ADAMTSL3: variants seen among roughly 807,000 people sequenced by gnomAD.
The protein encoded by ADAMTSL3 is ADAMTS like 3.
In ADAMTSL3, 128 loss-of-function variants were observed where a neutral mutation model predicts 201.7. The ratio of observed to expected loss-of-function variants is 0.63; its 90% CI spans 0.55 to 0.73. The LOEUF (loss-of-function observed/expected upper bound fraction) is 0.73. Among genes scored for constraint, ADAMTSL3 ranks in the 30% least tolerant of loss-of-function variants. ADAMTSL3 has a pLI of 0.00. For missense variants in ADAMTSL3, 1,990 were observed against 2,119.6 expected, an observed-to-expected ratio of 0.94 and a Z score of 1.20; for synonymous variants, 738 against 748.4, an observed-to-expected ratio of 0.99 and a Z score of 0.23.
At chr15:83,904,113 CCTTT>C (rs1468477538) in intron 15 of ADAMTSL3, among the ~76,000 whole-genome samples, 1 of 151,698 alleles carries the variant, frequency 6.6e-6, no homozygotes, top group Non-Finnish European at 1.5e-5. Context: ...AGGACACCAC[CCTTT>C]CTTCCCCCGT....
intron 22 of ADAMTSL3, 27 bp from the exon 23 acceptor site, chr15:83,991,059 A>G (rs763126883): frequency 1.2e-6 from 2 of 1,613,910 alleles, no homozygotes; most frequent in East Asian, 2.2e-5. Flanking sequence ...TGAACCTAAC[A>G]TAGTTTCCTG....
chr15:83,686,203 C>T (rs1047605627), intron 2 of ADAMTSL3, among the ~76,000 whole-genome samples: 2 of 152,166 alleles, frequency 1.3e-5, no homozygotes, highest in Non-Finnish European at 2.9e-5. Flanking sequence ...GGGTATAGAC[C>T]GGTTTTCTCA....
At chr15:83,746,030 G>A (rs2062541066) in intron 3 of ADAMTSL3, among the ~76,000 whole-genome samples, 1 of 152,134 alleles carries the variant, frequency 6.6e-6, no homozygotes, top group Admixed American at 6.5e-5. Context: ...CTGGGACAGT[G>A]GCTCAGTGAT....
intron 7 of ADAMTSL3, among the ~76,000 whole-genome samples, chr15:83,841,777 A>C (rs1017656904): frequency 6.6e-6 from 1 of 151,684 alleles, no homozygotes; most frequent in Non-Finnish European, 1.5e-5. Flanking sequence ...CTCACACCCA[A>C]ATGTTGCATT....
chr15:83,715,003 G>T (rs1891298534), intron 3 of ADAMTSL3, among the ~76,000 whole-genome samples: 1 of 148,958 alleles, frequency 6.7e-6, no homozygotes, highest in Non-Finnish European at 1.5e-5. Flanking sequence ...CTGACCCACT[G>T]TAACCTTCAT....
intron 3 of ADAMTSL3, among the ~76,000 whole-genome samples, chr15:83,761,505 A>G (rs181850610): frequency 7.9e-5 from 12 of 152,040 alleles, no homozygotes; most frequent in African/African-American, 2.4e-4. Context: ...TTGTCTGACA[A>G]TCTCTTTCTT....
chr15:84,021,018 G>A (rs1423058108), intron 25 of ADAMTSL3, among the ~76,000 whole-genome samples: 2 of 152,166 alleles, frequency 1.3e-5, no homozygotes, highest in African/African-American at 2.4e-5. Flanking sequence ...ATCCACTTTT[G>A]AGAAATTGAA....
At chr15:83,795,630 A>C (rs1008850267) in intron 4 of ADAMTSL3, among the ~76,000 whole-genome samples, 7 of 152,202 alleles carry the variant, frequency 4.6e-5, no homozygotes, top group African/African-American at 1.4e-4. Context: ...CATATGAAAA[A>C]AAAATTCCAC....
chr15:83,724,383 C>T (rs2062143220), intron 3 of ADAMTSL3, among the ~76,000 whole-genome samples: 7 of 152,056 alleles, frequency 4.6e-5, no homozygotes, highest in Admixed American at 1.3e-4. Context: ...CAGGTGTGAG[C>T]CACCGCACCT....
chr15:84,012,572 T>C (rs2068024305), intron 23 of ADAMTSL3, among the ~76,000 whole-genome samples: 1 of 152,340 alleles, frequency 6.6e-6, no homozygotes, highest in East Asian at 1.9e-4. Flanking sequence ...TCTGTCCTTC[T>C]CTTCTGATTT....
At chr15:83,754,228 A>G (rs2062683449) in intron 3 of ADAMTSL3, among the ~76,000 whole-genome samples, 1 of 152,208 alleles carries the variant, frequency 6.6e-6, no homozygotes, top group South Asian at 2.1e-4. Context: ...TGTGTGACAG[A>G]AAAGCACCAT....
chr15:83,677,578 T>C (rs1176372667), intron 2 of ADAMTSL3, among the ~76,000 whole-genome samples: 1 of 152,166 alleles, frequency 6.6e-6, no homozygotes, highest in Non-Finnish European at 1.5e-5. Flanking sequence ...GCCACTTCTT[T>C]TAAAAATTAC....
At chr15:83,850,192 G>A (rs1291585176) in intron 7 of ADAMTSL3, among the ~76,000 whole-genome samples, 2 of 151,926 alleles carry the variant, frequency 1.3e-5, no homozygotes, top group Non-Finnish European at 2.9e-5. Context: ...CCGCTACGGA[G>A]GCACAAATGT....
intron 6 of ADAMTSL3, among the ~76,000 whole-genome samples, chr15:83,833,617 C>T (rs955834981): frequency 6.6e-6 from 1 of 152,140 alleles, no homozygotes; most frequent in African/African-American, 2.4e-5. Flanking sequence ...AATTATTGGG[C>T]TATACTGATG....
At chr15:84,034,722 G>A (rs924982489) in intron 28 of ADAMTSL3, among the ~76,000 whole-genome samples, 3 of 152,254 alleles carry the variant, frequency 2.0e-5, no homozygotes, top group East Asian at 1.9e-4. Context: ...TGCCTGCTTC[G>A]AATAACCAGG....
intron 4 of ADAMTSL3, among the ~76,000 whole-genome samples, chr15:83,802,707 C>G (rs1473695888): frequency 6.6e-6 from 1 of 152,172 alleles, no homozygotes; most frequent in Non-Finnish European, 1.5e-5. Context: ...AAGAGGTTGA[C>G]TATACAGGGG....
At chr15:83,655,877 T>A in intron 2 of ADAMTSL3, 47 bp downstream of exon 2, 2 of 1,566,642 alleles carry the variant, frequency 1.3e-6, no homozygotes, top group African/African-American at 1.4e-5. Flanking sequence ...CATCCCTCTG[T>A]TTACTCAGAG....
chr15:83,957,826 C>T (rs991744010), intron 19 of ADAMTSL3, among the ~76,000 whole-genome samples: 1 of 152,244 alleles, frequency 6.6e-6, no homozygotes, highest in East Asian at 1.9e-4. Context: ...GAATCATCAA[C>T]ACATATGTGG....
intron 13 of ADAMTSL3, among the ~76,000 whole-genome samples, chr15:83,896,554 GAACA>G (rs1173877545): frequency 6.6e-6 from 1 of 152,006 alleles, no homozygotes; most frequent in African/African-American, 2.4e-5. Context: ...TCATCGGTTG[GAACA>G]ATGGCACCAC....
Sources: gnomAD v4.1 joint callset for allele counts (sites outside exome capture counted in the v4.1 genomes callset) on GRCh38, gnomAD v4.1.1 for gene constraint, MANE v1.5 for transcripts, NCBI Gene and HGNC (gene_info 2026-07-23, HGNC 2026-07-21) for gene names.